ABL1: variants seen among roughly 807,000 people sequenced by gnomAD.
ABL1 encodes tyrosine-protein kinase ABL1.
A neutral mutation model predicts 94.7 loss-of-function variants in ABL1; 11 were observed. The ratio of observed to expected loss-of-function variants is 0.12; its 90% confidence interval spans 0.07 to 0.19. ABL1 has a LOEUF of 0.19. Ranked by LOEUF, ABL1 falls within the 10% of genes least tolerant of loss-of-function variation. The probability of loss-of-function intolerance (pLI) is 1.00; values close to 1 mark genes in which losing one functional copy is unlikely to be tolerated. For synonymous variants in ABL1, 656 were observed against 622.4 expected, an observed-to-expected ratio of 1.05 and a Z score of -0.80; for missense variants, 1,082 against 1,489.4, an observed-to-expected ratio of 0.73 and a Z score of 4.50.
In ABL1 at chr9:130,872,878, C is replaced by T. The variant is rs1831276537; in HGVS notation, c.926C>T (p.Pro309Leu). 1 of 1,612,668 alleles carries T rather than the reference C, an allele frequency of 6.2e-7. No individual in the cohort carries two copies. Among genetic ancestry groups the T allele is most frequent in the African/African-American group, 1.3e-5 (1 of 75,016 alleles). ...VQLLGVCTRE[P>L]PFYIITEFMT... ...TTGGCAGGGGTCTGCACCCGGGAGC[C>T]CCCGTTCTATATCATCACTGAGTTC... The change falls in exon 6 of 11, where the codon CCC (proline) becomes CTC (leucine). Residue 309 changes from proline (P) to leucine (L), a missense_variant. Pro to Leu is a moderately conservative substitution (Grantham distance 98, BLOSUM62 -3). Transcript: ENST00000318560. The surrounding 1 kb of genome is among the most constrained non-coding windows in gnomAD (Gnocchi z 5.0).
chr9:130,809,479 C>T (rs534463537), intron 1 of ABL1, among the ~76,000 whole-genome samples: 2 of 150,596 alleles, frequency 1.3e-5, no homozygotes, highest in South Asian at 2.1e-4. Context: ...GGAATTGCCA[C>T]GTGATTATGG....
intron 1 of ABL1, among the ~76,000 whole-genome samples, chr9:130,765,773 C>T (rs1832175136): frequency 6.6e-6 from 1 of 152,160 alleles, no homozygotes; most frequent in Admixed American, 6.5e-5. Context: ...CTTCTTTATG[C>T]CACAGATTTA....
chr9:130,797,251 A>G (rs1417699977), intron 1 of ABL1, among the ~76,000 whole-genome samples: 3 of 142,740 alleles, frequency 2.1e-5, no homozygotes, highest in African/African-American at 7.8e-5. Flanking sequence ...AAAAAAAAAA[A>G]AAAAAAAAAA....
chr9:130,885,905 CT>C lies in ABL1; in HGVS notation c.*223del. The C allele has an allele frequency of 1.6e-6, 1 of 606,842 alleles. No individual in the cohort carries two copies. The highest frequency in any genetic ancestry group is 2.2e-5 in the South Asian group (1 of 45,024). 37.6% of individuals were successfully genotyped at this position (606,842 alleles called of 1,614,324 possible). A position where few individuals can be genotyped will look rare whatever the true frequency, so the allele number is the denominator to read the frequency against. Reference sequence around the variant, plus strand: ...TCCTCCTCCCCGCTCCGTCTCTGTCCTCGAATTTTATCTGTGGAGTTCCTGC... The same window carrying C: ...TCCTCCTCCCCGCTCCGTCTCTGTCCCGAATTTTATCTGTGGAGTTCCTGC... On this transcript the variant is annotated 3_prime_UTR_variant, in exon 11 of 11. Transcript: ENST00000318560.
chr9:130,834,762 C>T (rs1830537243), upstream of ABL1: 1 of 425,292 alleles, frequency 2.4e-6, no homozygotes, highest in South Asian at 1.7e-5. Context: ...GGTGCCAGCT[C>T]TGACTTCCTC....
At chr9:130,840,211 G>A (rs1297431666) in intron 1 of ABL1, among the ~76,000 whole-genome samples, 6 of 152,204 alleles carry the variant, frequency 3.9e-5, no homozygotes, top group Admixed American at 1.3e-4. Context: ...TGCTAATAAA[G>A]CAGTTTGTTT....
In ABL1 at chr9:130,884,808, A is replaced by T. The variant is rs1038387407; in HGVS notation, c.2518A>T (p.Ser840Cys). Reference sequence around the variant, plus strand: ...CCACAAGGAAGAAGCTGGAAAGGGCAGTGCCTTAGGGACCCCTGCTGCAGC... The same window carrying T: ...CCACAAGGAAGAAGCTGGAAAGGGCTGTGCCTTAGGGACCCCTGCTGCAGC... Reference protein sequence around the residue: ...LPHKEEAGKGSALGTPAAAEP... With the variant: ...LPHKEEAGKGCALGTPAAAEP... The change falls in exon 11 of 11, where the codon AGT becomes TGT. Residue 840 changes from serine to cysteine, a missense_variant. By Grantham distance (112) the Ser-to-Cys change is moderately radical. This residue lies in a region of ABL1 where 780 missense variants were observed against 835.8 expected (regional missense o/e 0.93). Coordinates refer to ENST00000318560, the MANE Select transcript of ABL1 (RefSeq NM_005157.6). This position sits in a 1 kb window ranked among gnomAD's most constrained non-coding sequence, Gnocchi z 5.6. The T allele has an allele frequency of 1.2e-6, 2 of 1,608,372 alleles. No homozygotes were observed. Among genetic ancestry groups the T allele is most frequent in the African/African-American group, 2.7e-5 (2 of 74,806 alleles).
chr9:130,787,830 T>C lies in ABL1; in HGVS notation c.137-66234T>C, dbSNP rs567793872. ...ACATGGCAGCCTCATCTTCCTCCTG[T>C]GCTCTGTGAAGGGTCACAGGGTTTG... On this transcript the variant is annotated intron_variant, in intron 1 of 10. Transcript: ENST00000372348. 3.3e-5 allele frequency among the ~76,000 whole-genome samples: 5 copies of C among 152,330 alleles called. No individual in the cohort carries two copies. In the South Asian group the frequency reaches 8.3e-4, roughly 25 times the overall value.
At chr9:130,841,516 G>T (rs1830670959) in intron 1 of ABL1, among the ~76,000 whole-genome samples, 1 of 151,190 alleles carries the variant, frequency 6.6e-6, no homozygotes, top group Non-Finnish European at 1.5e-5. Flanking sequence ...GCTTGCTCTA[G>T]AAATTGGTTT....
Position 130,863,598 on chromosome 9 carries a change from T to C in ABL1, c.822+563T>C, listed in dbSNP as rs1040408421. Among the ~76,000 whole-genome samples, 2 of 152,216 alleles carry C rather than the reference T, an allele frequency of 1.3e-5. No individual in the cohort carries two copies. Among genetic ancestry groups the C allele is most frequent in the African/African-American group, 4.8e-5 (2 of 41,462 alleles). On this transcript the variant is annotated intron_variant, in intron 4 of 10. Coordinates refer to ENST00000318560, the MANE Select transcript of ABL1 (RefSeq NM_005157.6). This position sits in a 1 kb window ranked among gnomAD's most constrained non-coding sequence, Gnocchi z 4.3. ...GAAACTCGCTTTTGACCAACTCAGA[T>C]ACAGTCTGGTCTTTCTTGTTAACTG...
chr9:130,730,998 C>CTT (rs11300328), intron 1 of ABL1, among the ~76,000 whole-genome samples: 720 of 64,500 alleles, frequency 0.011, 217 homozygotes, highest in Non-Finnish European at 0.016. Context: ...CTCTATCTCT[C>CTT]TTTTTTTTTT....
Position 130,859,677 on chromosome 9 carries a change from C to CTTTTTTTTTTT in ABL1, c.550-3067_550-3057dup, listed in dbSNP as rs869234280. Reference sequence around the variant, plus strand: ...AAACGCTGTTTCTTTTCTTTCTTTCCTTTTTTTTTTTTTTTTTTTTTTTTT... The same window carrying CTTTTTTTTTTT: ...AAACGCTGTTTCTTTTCTTTCTTTCCTTTTTTTTTTTTTTTTTTTTTTTTTTTTTTTTTTTT... On this transcript the variant is annotated intron_variant, in intron 3 of 10. Transcript: ENST00000318560. Among the ~76,000 whole-genome samples the CTTTTTTTTTTT allele has an allele frequency of 9.4e-4, 74 of 78,450 alleles. 9 individuals carry two copies. The highest frequency in any genetic ancestry group is 1.2e-3 in the African/African-American group (18 of 14,878). 51.5% of individuals were successfully genotyped at this position (78,450 alleles called of 152,430 possible). A position where few individuals can be genotyped will look rare whatever the true frequency, so the allele number is the denominator to read the frequency against.
intron 1 of ABL1, among the ~76,000 whole-genome samples, chr9:130,723,571 CAAAA>C (rs1452511676): frequency 1.3e-5 from 2 of 151,862 alleles, no homozygotes; most frequent in African/African-American, 2.4e-5. Context: ...AACAAACAAA[CAAAA>C]AACAAACCTG....
intron 10 of ABL1, among the ~76,000 whole-genome samples, chr9:130,882,217 G>A (rs1049399434): frequency 1.3e-5 from 2 of 152,056 alleles, no homozygotes; most frequent in African/African-American, 2.4e-5. Context: ...GTTCATTTAC[G>A]CCCGTCAGTT....
intron 1 of ABL1, among the ~76,000 whole-genome samples, chr9:130,838,891 C>A (rs541864554): frequency 6.6e-6 from 1 of 152,160 alleles, no homozygotes; most frequent in East Asian, 1.9e-4. Flanking sequence ...CTGAACTCTT[C>A]TTGAACTTTT....
chr9:130,740,029 A>G (rs1167431414), intron 1 of ABL1, among the ~76,000 whole-genome samples: 11 of 152,244 alleles, frequency 7.2e-5, no homozygotes, highest in Admixed American at 4.6e-4. Flanking sequence ...AGTTTCCAGT[A>G]AATTAATAAT....
At chr9:130,843,167 T>C (rs1830703416) in intron 1 of ABL1, among the ~76,000 whole-genome samples, 1 of 152,226 alleles carries the variant, frequency 6.6e-6, no homozygotes. Context: ...GTTCCACATC[T>C]GAGTTCACCC....
chr9:130,855,560 A>G (rs1369138108), intron 3 of ABL1, among the ~76,000 whole-genome samples: 2 of 152,120 alleles, frequency 1.3e-5, no homozygotes, highest in African/African-American at 4.8e-5. Flanking sequence ...ATTCATGGAG[A>G]GGTGTGTGGA....
chr9:130,848,727 A>G (rs879507194), intron 1 of ABL1, among the ~76,000 whole-genome samples: 2 of 152,102 alleles, frequency 1.3e-5, no homozygotes, highest in Non-Finnish European at 2.9e-5. Flanking sequence ...ACCTGAGGTC[A>G]GGAGTTCGAA....
Sources: gnomAD v4.1 joint callset for allele counts (sites outside exome capture counted in the v4.1 genomes callset) on GRCh38, gnomAD v4.1.1 for gene constraint, gnomAD v4.1.1 regional missense constraint, Gnocchi (gnomAD v3.1) non-coding constraint, MANE v1.5 for transcripts, NCBI Gene and HGNC (gene_info 2026-07-23, HGNC 2026-07-21) for gene names.